PI4KA: variants seen among roughly 807,000 people sequenced by gnomAD.
PI4KA encodes phosphatidylinositol 4-kinase alpha, also known as PI4-kinase alpha.
In PI4KA, 122 loss-of-function variants were observed where a neutral mutation model predicts 271.4. That is an observed-to-expected ratio of 0.45 (90% CI 0.39 to 0.52). PI4KA has a LOEUF of 0.52. PI4KA is among the 20% of genes least tolerant of loss of function. PI4KA has a pLI of 0.00. For missense variants in PI4KA, 1,969 were observed against 2,769.1 expected (o/e 0.71, Z 6.48); for synonymous variants, 1,041 against 1,078.8 (o/e 0.96, Z 0.69).
intron 14 of PI4KA, among the ~76,000 whole-genome samples, chr22:20,800,761 C>T (rs1267302362): frequency 6.7e-6 from 1 of 149,840 alleles, no homozygotes; most frequent in South Asian, 2.1e-4. Context: ...GTAGTCCCAG[C>T]TACTCCAGAG....
chr22:20,785,175 T>C (rs553373740), intron 19 of PI4KA, among the ~76,000 whole-genome samples: 1 of 151,538 alleles, frequency 6.6e-6, no homozygotes, highest in African/African-American at 2.4e-5. Context: ...ACTTAAGTGA[T>C]CCTCTCACCT....
At chr22:20,822,388 A>T (rs1601572050) in intron 4 of PI4KA, among the ~76,000 whole-genome samples, 1 of 41,134 alleles carries the variant, frequency 2.4e-5, no homozygotes, top group African/African-American at 1.4e-4. Flanking sequence ...CTTCTTTCGC[A>T]CCTGCTTCTC....
intron 10 of PI4KA, 40 bp from the exon 11 acceptor site, chr22:20,805,205 T>C (rs764563483): frequency 7.0e-7 from 1 of 1,429,274 alleles, no homozygotes; most frequent in South Asian, 1.2e-5. Context: ...GGAACAAAAC[T>C]ACAGTAGAAC....
intron 19 of PI4KA, among the ~76,000 whole-genome samples, chr22:20,768,695 G>A (rs1201335708): frequency 2.0e-5 from 3 of 152,204 alleles, no homozygotes; most frequent in East Asian, 1.9e-4. Context: ...CTTGAGAGCC[G>A]CCAGGGCACT....
intron 50 of PI4KA, among the ~76,000 whole-genome samples, chr22:20,711,847 A>C (rs1475506833): frequency 9.1e-4 from 125 of 137,578 alleles, no homozygotes; most frequent in Middle Eastern, 4.9e-3. Context: ...TGGGTTCAAG[A>C]GATTCTCCTG....
intron 50 of PI4KA, among the ~76,000 whole-genome samples, chr22:20,712,119 G>A (rs1400085591): frequency 3.8e-5 from 5 of 132,682 alleles, no homozygotes; most frequent in South Asian, 2.5e-4. Flanking sequence ...GTGCAGTGGC[G>A]CAATCTTGGC....
intron 3 of PI4KA, among the ~76,000 whole-genome samples, chr22:20,824,831 G>C (rs977846824): frequency 6.6e-6 from 1 of 151,364 alleles, no homozygotes; most frequent in Non-Finnish European, 1.5e-5. Flanking sequence ...AGCACTTTTG[G>C]GGGGCCAAGG....
intron 7 of PI4KA, among the ~76,000 whole-genome samples, chr22:20,815,192 C>G (rs761993235): frequency 1.3e-5 from 2 of 151,712 alleles, no homozygotes; most frequent in African/African-American, 2.4e-5. Context: ...ACCATCCTGG[C>G]AAACATGGTG....
At chr22:20,726,262 G>A (rs1305427305) in intron 42 of PI4KA, 1 of 431,786 alleles carries the variant, frequency 2.3e-6, no homozygotes, top group Non-Finnish European at 4.1e-6. Flanking sequence ...CCCAGAACCG[G>A]CTCGCTCCAC....
chr22:20,743,395 T>C (rs1478509188), intron 30 of PI4KA, among the ~76,000 whole-genome samples: 2 of 152,116 alleles, frequency 1.3e-5, no homozygotes, highest in African/African-American at 4.8e-5. Flanking sequence ...CCGCCCACCT[T>C]GGCCTCCCTA....
rs748175082 is a variant in PI4KA, at chr22:20,742,346, G to A, written c.3623C>T (p.Pro1208Leu). 7.4e-6 allele frequency: 12 copies of A among 1,613,956 alleles called. No homozygotes were observed. The highest frequency in any genetic ancestry group is 5.0e-5 in the Admixed American group (3 of 59,982). Reference protein sequence around the residue: ...AMLISSKDCDPQLLHHLCWGP... With the variant: ...AMLISSKDCDLQLLHHLCWGP... Reference sequence around the variant, plus strand: ...CCAGCACAGATGATGAAGGAGCTGCGGGTCACAATCTGGAACCAAACACAC... The same window carrying A: ...CCAGCACAGATGATGAAGGAGCTGCAGGTCACAATCTGGAACCAAACACAC... The change falls in exon 32 of 55, where the codon CCG (proline) becomes CTG (leucine). Residue 1208 changes from proline to leucine, a missense_variant. Pro to Leu is a moderately conservative substitution (Grantham distance 98). This residue lies in a region of PI4KA where 203 missense variants were observed against 256.8 expected (regional missense o/e 0.79). Transcript: ENST00000255882.
intron 2 of PI4KA, among the ~76,000 whole-genome samples, chr22:20,836,322 G>A (rs1046264010): frequency 2.0e-5 from 3 of 152,146 alleles, no homozygotes; most frequent in African/African-American, 7.2e-5. Context: ...TAAGTCTGGG[G>A]GGACTTTGTT....
rs181925405 is a variant in PI4KA, at chr22:20,779,598, G to A, written c.2328+13595C>T. ...TGAAGACGACGACTACATCGACATC[G>A]TCGACAGTCTGTCAGTTTCCCCGAC... On this transcript the variant is annotated intron_variant, in intron 19 of 54. Transcript: ENST00000255882. 2.6e-4 allele frequency: 418 copies of A among 1,614,144 alleles called. 2 individuals carry two copies. Among genetic ancestry groups the A allele is most frequent in the Non-Finnish European group, 1.5e-4 (173 of 1,179,958 alleles).
rs147165505 is a variant in PI4KA at position 20,819,137 on chromosome 22, T to C, written c.789+504A>G. Among the ~76,000 whole-genome samples, 952 of 152,268 alleles carry C rather than the reference T, an allele frequency of 6.3e-3. 9 individuals are homozygous for C. The highest frequency in any genetic ancestry group is 0.021 in the African/African-American group (871 of 41,548). ...GAAGCAGATGTTTAGGGCGAAACGGTGAAAGGGAGGCAGTGTGTCATATGT... is the reference window on the plus strand; with the variant it reads ...GAAGCAGATGTTTAGGGCGAAACGGCGAAAGGGAGGCAGTGTGTCATATGT... On this transcript the variant is annotated intron_variant, in intron 6 of 54. Coordinates refer to ENST00000255882, the MANE Select transcript of PI4KA (RefSeq NM_058004.4).
chr22:20,751,334 G>A lies in PI4KA; in HGVS notation c.3112C>T (p.Pro1038Ser). ...DQPYYDIPDA[P>S]YRITVPDTYE... Reference sequence around the variant, plus strand: ...GTGTCAGGAACCGTGATCCGGTAGGGGGCGTCGGGGATGTCATAGTAAGGC... The same window carrying A: ...GTGTCAGGAACCGTGATCCGGTAGGAGGCGTCGGGGATGTCATAGTAAGGC... Residue 1038 changes from proline (P) to serine (S), a missense_variant, in exon 27 of 55, where the codon CCC (proline) becomes TCC (serine). Physicochemically the swap from Pro to Ser is moderately conservative, Grantham distance 74. Coordinates refer to ENST00000255882, the MANE Select transcript of PI4KA (RefSeq NM_058004.4). 1.9e-6 allele frequency: 3 copies of A among 1,614,092 alleles called. No individual in the cohort carries two copies. The highest frequency in any genetic ancestry group is 2.2e-5 in the East Asian group (1 of 44,892).
chr22:20,780,078 C>A (rs560768887), intron 19 of PI4KA: 3 of 1,614,100 alleles, frequency 1.9e-6, no homozygotes, highest in Non-Finnish European at 2.5e-6. Flanking sequence ...CTTCTCAGAC[C>A]CTGCCTTCAT....
At chr22:20,750,864 G>A (rs1182937806) in intron 27 of PI4KA, among the ~76,000 whole-genome samples, 1 of 152,180 alleles carries the variant, frequency 6.6e-6, no homozygotes, top group Non-Finnish European at 1.5e-5. Flanking sequence ...TATTCTGCCA[G>A]TTTCCCCATT....
chr22:20,715,637 G>A (rs921595924), intron 45 of PI4KA, among the ~76,000 whole-genome samples: 3 of 151,718 alleles, frequency 2.0e-5, no homozygotes, highest in African/African-American at 7.3e-5. Context: ...ACCGCGCCTG[G>A]CTAATTTGTG....
chr22:20,751,364 C>A lies in PI4KA; in HGVS notation c.3082G>T (p.Asp1028Tyr). The change falls in exon 27 of 55, where the codon GAT becomes TAT. Residue 1028 changes from aspartate (D) to tyrosine (Y), a missense_variant. Physicochemically the swap from Asp to Tyr is radical, Grantham distance 160. Transcript: ENST00000255882. The part of the protein sequence containing the change: ...SLSLSADIHK[D>Y]QPYYDIPDAP... The stretch of plus-strand genomic sequence containing the variant: ...TCGGGGATGTCATAGTAAGGCTGAT[C>A]CTTGTGAATATCCTGCAAGCACAGC... 6.2e-7 allele frequency: 1 copy of A among 1,613,850 alleles called. No individual in the cohort carries two copies.
Sources: allele counts gnomAD v4.1 joint callset (sites outside exome capture counted in the v4.1 genomes callset), GRCh38; gene constraint gnomAD v4.1.1; regional missense constraint gnomAD v4.1.1; transcripts MANE v1.5; gene names NCBI Gene and HGNC (gene_info 2026-07-23, HGNC 2026-07-21).